EYS: variants seen among roughly 807,000 people sequenced by gnomAD.
The protein encoded by EYS is protein eyes shut homolog.
Under a neutral mutation model 282.1 loss-of-function variants are expected in EYS, and 250 were observed. That is an observed-to-expected ratio of 0.89 (90% CI 0.80 to 0.98). The LOEUF (loss-of-function observed/expected upper bound fraction) is 0.98, where lower values mean the gene tolerates loss of function less well. EYS is among the 50% of genes least tolerant of loss of function. The probability of loss-of-function intolerance (pLI) is 0.00; values close to 1 mark genes in which losing one functional copy is unlikely to be tolerated. For synonymous variants in EYS, 1,355 were observed against 1,282.9 expected (o/e 1.06, Z -1.20); for missense variants, 4,016 against 3,709.0 (o/e 1.08, Z -2.15).
chr6:64,241,149 T>C (rs1385842826), intron 30 of EYS, among the ~76,000 whole-genome samples: 1 of 152,190 alleles, frequency 6.6e-6, no homozygotes, highest in Admixed American at 6.5e-5. Flanking sequence ...GGTTTGCCAG[T>C]ATTTTATTTA....
At chr6:65,477,769 T>C (rs1765464221) in intron 5 of EYS, among the ~76,000 whole-genome samples, 1 of 152,190 alleles carries the variant, frequency 6.6e-6, no homozygotes, top group Non-Finnish European at 1.5e-5. Context: ...TAGCAAATCA[T>C]ACATTTCATT....
At chr6:63,814,624 C>A (rs1166008723) in intron 36 of EYS, among the ~76,000 whole-genome samples, 2 of 152,142 alleles carry the variant, frequency 1.3e-5, no homozygotes, top group African/African-American at 4.8e-5. Flanking sequence ...ATAATACATG[C>A]TAGAATCTGA....
rs1765381733 is a variant in EYS, at chr6:64,198,944, C to A, written c.6424+31648G>T. 1.3e-5 allele frequency among the ~76,000 whole-genome samples: 2 copies of A among 152,204 alleles called. 1 individual carries two copies. Among genetic ancestry groups the A allele is most frequent in the South Asian group, 4.1e-4 (2 of 4,832 alleles). On this transcript the variant is annotated intron_variant, in intron 31 of 42. Transcript: ENST00000503581. The stretch of plus-strand genomic sequence containing the variant: ...TTGAACTAATTTACACTCCCACCAA[C>A]AGTGTAAAAGCGTTCCTATTTCTCT...
intron 29 of EYS, among the ~76,000 whole-genome samples, chr6:64,338,241 C>T (rs536663342): frequency 3.3e-5 from 5 of 152,004 alleles, no homozygotes; most frequent in Admixed American, 1.3e-4. Flanking sequence ...CTAAAGACTC[C>T]TCCAGAAAGC....
chr6:64,136,033 C>T (rs1774149576), intron 31 of EYS, among the ~76,000 whole-genome samples: 1 of 151,960 alleles, frequency 6.6e-6, no homozygotes, highest in African/African-American at 2.4e-5. Flanking sequence ...TGCAGACAGT[C>T]CTCTCAAACC....
At chr6:65,136,844 G>C (rs749928076) in intron 12 of EYS, among the ~76,000 whole-genome samples, 35 of 151,852 alleles carry the variant, frequency 2.3e-4, no homozygotes, top group Non-Finnish European at 3.8e-4. Flanking sequence ...ACCACACCTG[G>C]CTAATTTTTG....
chr6:65,652,238 TATGAA>T (rs942889794), intron 1 of EYS, among the ~76,000 whole-genome samples: 2 of 152,108 alleles, frequency 1.3e-5, no homozygotes, highest in Admixed American at 6.6e-5. Context: ...GTATACATCT[TATGAA>T]ATGAAATAAT....
At chr6:65,152,233 T>C (rs1384729189) in intron 12 of EYS, among the ~76,000 whole-genome samples, 1 of 151,976 alleles carries the variant, frequency 6.6e-6, no homozygotes, top group Non-Finnish European at 1.5e-5. Context: ...ATAATTATGC[T>C]GGCCTATGTT....
chr6:64,163,173 A>T (rs898551844), intron 31 of EYS, among the ~76,000 whole-genome samples: 5 of 152,178 alleles, frequency 3.3e-5, no homozygotes, highest in Non-Finnish European at 5.9e-5. Flanking sequence ...GCCTATAAAT[A>T]GTTTTCTAGC....
chr6:65,436,754 T>G (rs966555905), intron 5 of EYS, among the ~76,000 whole-genome samples: 2 of 152,112 alleles, frequency 1.3e-5, no homozygotes, highest in African/African-American at 4.8e-5. Flanking sequence ...AGAAAAGATG[T>G]TCAAGATATG....
At chr6:64,257,054 CCT>C (rs1767426629) in intron 30 of EYS, among the ~76,000 whole-genome samples, 1 of 151,998 alleles carries the variant, frequency 6.6e-6, no homozygotes, top group African/African-American at 2.4e-5. Context: ...CACATTTCTT[CCT>C]TCAAAGCTAA....
intron 30 of EYS, among the ~76,000 whole-genome samples, chr6:64,269,641 T>C (rs1767874730): frequency 6.6e-6 from 1 of 152,096 alleles, no homozygotes; most frequent in Admixed American, 6.6e-5. Context: ...ATACTTGATA[T>C]ACATATATTG....
intron 8 of EYS, among the ~76,000 whole-genome samples, chr6:65,365,448 T>C (rs1252418593): frequency 3.3e-5 from 5 of 151,698 alleles, no homozygotes; most frequent in African/African-American, 7.2e-5. Context: ...TGAGTGCGTA[T>C]GTGTGGTCAG....
Position 64,782,831 on chromosome 6 carries a change from G to A in EYS, c.3443+30547C>T, listed in dbSNP as rs1421156472. On this transcript the variant is annotated intron_variant, in intron 22 of 42. Coordinates refer to ENST00000503581, the MANE Select transcript of EYS (RefSeq NM_001142800.2). ...TTCACCATTAAGTAATTTATCACTG[G>A]TTCATTTTAGGGCACTTGTATTTTT... Among the ~76,000 whole-genome samples the A allele has an allele frequency of 2.0e-5, 3 of 152,078 alleles. No individual in the cohort carries two copies. The South Asian group carries it at 6.2e-4, about 32-fold the overall frequency.
chr6:64,347,875 TC>T (rs1408287675), intron 29 of EYS, among the ~76,000 whole-genome samples: 1 of 151,260 alleles, frequency 6.6e-6, no homozygotes, highest in Admixed American at 6.6e-5. Flanking sequence ...ACTTTCGGCC[TC>T]AACACAAAAA....
chr6:65,261,032 G>A (rs1244135807), intron 12 of EYS, among the ~76,000 whole-genome samples: 1 of 151,946 alleles, frequency 6.6e-6, no homozygotes, highest in Non-Finnish European at 1.5e-5. Context: ...ATTGTTTGGA[G>A]CGACTTTACT....
At chr6:65,585,946 A>G (rs1765028925) in intron 2 of EYS, among the ~76,000 whole-genome samples, 1 of 152,036 alleles carries the variant, frequency 6.6e-6, no homozygotes. Context: ...TTTTACCATT[A>G]CTTTTAAAGG....
At chr6:65,356,453 A>G (rs1335826995) in intron 8 of EYS, among the ~76,000 whole-genome samples, 1 of 152,024 alleles carries the variant, frequency 6.6e-6, no homozygotes, top group Admixed American at 6.6e-5. Flanking sequence ...GAGAGATGCC[A>G]GGAAAAATGA....
intron 5 of EYS, among the ~76,000 whole-genome samples, chr6:65,427,544 TA>T (rs1042677209): frequency 3.3e-5 from 5 of 152,024 alleles, no homozygotes; most frequent in African/African-American, 7.2e-5. Context: ...AATATGTACA[TA>T]AAAAATAGAA....
Sources: allele counts gnomAD v4.1 joint callset (sites outside exome capture counted in the v4.1 genomes callset), GRCh38; gene constraint gnomAD v4.1.1; transcripts MANE v1.5; gene names NCBI Gene and HGNC (gene_info 2026-07-23, HGNC 2026-07-21).